The following CPD variants were observed in gnomAD, a reference collection of about 807,000 sequenced individuals.
The protein encoded by CPD is carboxypeptidase D.
A neutral mutation model predicts 138.3 loss-of-function variants in CPD; 69 were observed. The observed-to-expected ratio is 0.50, with a 90% confidence interval of 0.41 to 0.61. CPD has a LOEUF of 0.61. CPD is among the 20% of genes least tolerant of loss of function. The pLI, the probability that CPD is intolerant of heterozygous loss-of-function variation, is 0.00. For missense variants in CPD, 1,432 were observed against 1,733.3 expected, an observed-to-expected ratio of 0.83 and a Z score of 3.09; for synonymous variants, 651 against 642.1, an observed-to-expected ratio of 1.01 and a Z score of -0.21.
intron 2 of CPD, among the ~76,000 whole-genome samples, chr17:30,419,775 G>A (rs941498343): frequency 1.6e-4 from 24 of 152,234 alleles, no homozygotes; most frequent in African/African-American, 5.5e-4. Context: ...AGTGGCAGAA[G>A]AATCTATGAC....
At chr17:30,399,529 T>G (rs1331925839) in intron 2 of CPD, among the ~76,000 whole-genome samples, 2 of 151,732 alleles carry the variant, frequency 1.3e-5, no homozygotes, top group Non-Finnish European at 2.9e-5. Flanking sequence ...GTCGTTTTGG[T>G]GAATCTACAC....
chr17:30,437,451 G>T lies in CPD; in HGVS notation c.2128-1524G>T, dbSNP rs192280271. On this transcript the variant is annotated intron_variant, in intron 8 of 20. Coordinates refer to ENST00000225719, the MANE Select transcript of CPD (RefSeq NM_001304.5). ...TGTAATCTCAACACTTTGGGAGGCC[G>T]AGGTGGGCAGATTCGTTGAGCCCAG... 2.5e-3 allele frequency among the ~76,000 whole-genome samples: 379 copies of T among 152,188 alleles called. 7 individuals carry two copies. The highest frequency in any genetic ancestry group is 0.022 in the Admixed American group (333 of 15,274).
rs180991848 is a variant in CPD, at chr17:30,425,417, G to A, written c.1849+1720G>A. Among the ~76,000 whole-genome samples the A allele has an allele frequency of 5.5e-4, 83 of 152,282 alleles. 1 individual carries two copies. The highest frequency in any genetic ancestry group is 2.1e-3 in the Admixed American group (32 of 15,290). On this transcript the variant is annotated intron_variant, in intron 6 of 20. Coordinates refer to ENST00000225719, the MANE Select transcript of CPD (RefSeq NM_001304.5). The stretch of plus-strand genomic sequence containing the variant: ...TGCTTATAATCCCAGCACTTTGGGA[G>A]GTCGAGGTAGATGGATCATTTGAGA...
At chr17:30,432,566 C>T (rs1039163099) in intron 8 of CPD, among the ~76,000 whole-genome samples, 1 of 151,994 alleles carries the variant, frequency 6.6e-6, no homozygotes, top group African/African-American at 2.4e-5. Flanking sequence ...ATTACTCTTA[C>T]AATCGGGAAT....
At chr17:30,463,512 G>C (rs1249047967) in intron 20 of CPD, among the ~76,000 whole-genome samples, 1 of 152,174 alleles carries the variant, frequency 6.6e-6, no homozygotes, top group Non-Finnish European at 1.5e-5. Flanking sequence ...CCAGGAAAGA[G>C]GAAATGTTTG....
At chr17:30,460,764 G>T (rs534025504) in intron 17 of CPD, among the ~76,000 whole-genome samples, 1 of 152,264 alleles carries the variant, frequency 6.6e-6, no homozygotes, top group African/African-American at 2.4e-5. Flanking sequence ...TCACCAGCAG[G>T]GGTCCAGGTT....
intron 15 of CPD, 159 bp from the exon 16 acceptor site, chr17:30,456,097 G>C: frequency 1.7e-6 from 1 of 599,222 alleles, no homozygotes. Context: ...ATTATCTTGG[G>C]CTAAATAAAA....
intron 2 of CPD, among the ~76,000 whole-genome samples, chr17:30,389,135 C>A (rs745646593): frequency 1.3e-5 from 2 of 152,148 alleles, no homozygotes; most frequent in Non-Finnish European, 2.9e-5. Flanking sequence ...TACGGCAGCC[C>A]CCAGGGCAGC....
intron 13 of CPD, among the ~76,000 whole-genome samples, chr17:30,450,019 G>A (rs1340733463): frequency 6.6e-6 from 1 of 150,580 alleles, no homozygotes; most frequent in Non-Finnish European, 1.5e-5. Context: ...TCATTTAATA[G>A]CCACACTACC....
At chr17:30,393,244 G>A (rs559925383) in intron 2 of CPD, among the ~76,000 whole-genome samples, 45 of 152,300 alleles carry the variant, frequency 3.0e-4, no homozygotes, top group Middle Eastern at 6.8e-3. Flanking sequence ...GTAGCAGTGT[G>A]CTTTAAATAT....
intron 12 of CPD, among the ~76,000 whole-genome samples, chr17:30,449,030 T>C (rs1403881430): frequency 1.3e-5 from 2 of 152,158 alleles, no homozygotes; most frequent in Middle Eastern, 3.4e-3. Context: ...ATCACTTGAG[T>C]CCTGGAATTC....
chr17:30,425,381 G>A (rs984244694), intron 6 of CPD, among the ~76,000 whole-genome samples: 6 of 152,096 alleles, frequency 3.9e-5, no homozygotes, highest in Non-Finnish European at 7.4e-5. Flanking sequence ...CTGGCCAGGC[G>A]TGGTGGCTCA....
intron 2 of CPD, among the ~76,000 whole-genome samples, chr17:30,405,736 A>G (rs1911786131): frequency 6.6e-6 from 1 of 151,790 alleles, no homozygotes; most frequent in African/African-American, 2.4e-5. Flanking sequence ...CTCTTAAACC[A>G]CTCTTATTTT....
intron 9 of CPD, 111 bp from the exon 10 acceptor site, chr17:30,442,197 A>C: frequency 1.1e-6 from 1 of 922,188 alleles, no homozygotes. Flanking sequence ...TTAGCTTATC[A>C]ATGCTGATAA....
intron 19 of CPD, 96 bp from the exon 20 acceptor site, chr17:30,462,274 A>G: frequency 8.9e-7 from 1 of 1,127,364 alleles, no homozygotes; most frequent in African/African-American, 1.6e-5. Flanking sequence ...GCAATGCATC[A>G]TCTCCTTAGT....
intron 3 of CPD, among the ~76,000 whole-genome samples, 189 bp from the exon 4 acceptor site, chr17:30,421,475 T>C (rs1912264238): frequency 6.6e-6 from 1 of 152,216 alleles, no homozygotes; most frequent in African/African-American, 2.4e-5. Flanking sequence ...AGTTCAGACA[T>C]ATGACTTAAG....
intron 9 of CPD, among the ~76,000 whole-genome samples, chr17:30,442,019 C>T (rs1232112467): frequency 6.0e-5 from 9 of 150,228 alleles, no homozygotes; most frequent in African/African-American, 1.2e-4. Flanking sequence ...TGGTAGAATT[C>T]GGCTGTAAAT....
At chr17:30,397,086 A>G (rs1911528673) in intron 2 of CPD, among the ~76,000 whole-genome samples, 1 of 152,154 alleles carries the variant, frequency 6.6e-6, no homozygotes, top group Non-Finnish European at 1.5e-5. Flanking sequence ...GATTACTTTA[A>G]TGGTTAAACA....
intron 2 of CPD, among the ~76,000 whole-genome samples, chr17:30,416,758 C>G (rs1355696593): frequency 3.9e-5 from 6 of 152,204 alleles, no homozygotes; most frequent in Non-Finnish European, 2.9e-5. Context: ...CTTTTTATAA[C>G]TACCTAGTCT....
Sources: allele counts gnomAD v4.1 joint callset (sites outside exome capture counted in the v4.1 genomes callset), GRCh38; gene constraint gnomAD v4.1.1; transcripts MANE v1.5; gene names NCBI Gene and HGNC (gene_info 2026-07-23, HGNC 2026-07-21).